SNX30: variants seen among roughly 807,000 people sequenced by gnomAD.
SNX30 encodes the protein sorting nexin-30.
A neutral mutation model predicts 46.4 loss-of-function variants in SNX30; 24 were observed. The ratio of observed to expected loss-of-function variants is 0.52; its 90% CI spans 0.37 to 0.73. The LOEUF (loss-of-function observed/expected upper bound fraction) is 0.73. SNX30 is among the 30% of genes least tolerant of loss of function. The pLI is 0.00. For synonymous variants in SNX30, 189 were observed against 211.5 expected (o/e 0.89, Z 0.92); for missense variants, 533 against 555.7 (o/e 0.96, Z 0.41).
At position 112,774,616 on chromosome 9, in the gene SNX30, C is replaced by T. The variant is rs1839708720; in HGVS notation, c.156+23459C>T. 2.0e-5 allele frequency among the ~76,000 whole-genome samples: 3 copies of T among 152,072 alleles called. No homozygotes were observed. The South Asian group carries it at 6.2e-4, about 31-fold the overall frequency. On this transcript the variant is annotated intron_variant, in intron 1 of 8. Coordinates refer to ENST00000374232, the MANE Select transcript of SNX30 (RefSeq NM_001012994.2). ...GGGTAGCTCCACATTCTTGTCAAGACTTGGTATTGTCAACTTTTTTAGTTT... is the reference window on the plus strand; with the variant it reads ...GGGTAGCTCCACATTCTTGTCAAGATTTGGTATTGTCAACTTTTTTAGTTT...
At chr9:112,860,957 G>A (rs1486930767) in intron 7 of SNX30, among the ~76,000 whole-genome samples, 1 of 152,196 alleles carries the variant, frequency 6.6e-6, no homozygotes, top group Non-Finnish European at 1.5e-5. Flanking sequence ...AACCAGTGTT[G>A]CAGGGGTAAG....
At chr9:112,884,361 A>G (rs1841619649), downstream of SNX30, among the ~76,000 whole-genome samples, 1 of 152,192 alleles carries the variant, frequency 6.6e-6, no homozygotes, top group Admixed American at 6.5e-5. Flanking sequence ...GTGGTTCGAA[A>G]GCTTTACTGG....
intron 4 of SNX30, among the ~76,000 whole-genome samples, chr9:112,835,024 G>A (rs1385829086): frequency 1.3e-5 from 2 of 152,168 alleles, no homozygotes; most frequent in South Asian, 4.1e-4. Context: ...ATGCGGAGGG[G>A]CTGTTGGGCC....
chr9:112,765,081 T>A (rs1310734039), intron 1 of SNX30, among the ~76,000 whole-genome samples: 1 of 152,062 alleles, frequency 6.6e-6, no homozygotes, highest in Admixed American at 6.5e-5. Flanking sequence ...GGGAGGAGAC[T>A]GAAACAGTAA....
Position 112,841,085 on chromosome 9 carries a change from GT to G in SNX30, c.1014+2393del, listed in dbSNP as rs371871397. 3.9e-4 allele frequency among the ~76,000 whole-genome samples: 59 copies of G among 152,330 alleles called. No individual in the cohort carries two copies. The East Asian group carries it at 6.9e-3, about 18-fold the overall frequency. On this transcript the variant is annotated intron_variant, in intron 6 of 8. Transcript: ENST00000374232. ...CCCTGGTATCTGTTCTTAAAAATAA[GT>G]TTTTACAATTCCTGGAGTGTCCGTG...
intron 5 of SNX30, among the ~76,000 whole-genome samples, chr9:112,837,543 T>TCGGCTCACTGCAAGCGC (rs1840777297): frequency 6.6e-6 from 1 of 152,082 alleles, no homozygotes; most frequent in African/African-American, 2.4e-5. Flanking sequence ...TGGCACCATC[T>TCGGCTCACTGCAAGCGC]CGGCTCACTG....
chr9:112,834,867 CA>C (rs1564285811), intron 4 of SNX30, among the ~76,000 whole-genome samples: 4 of 90,692 alleles, frequency 4.4e-5, no homozygotes, highest in Admixed American at 1.3e-4. Flanking sequence ...CACACACACA[CA>C]CACACACACA....
chr9:112,751,972 G>C (rs1316738614), intron 1 of SNX30, among the ~76,000 whole-genome samples: 1 of 152,104 alleles, frequency 6.6e-6, no homozygotes, highest in Admixed American at 6.5e-5. Flanking sequence ...AAGGAGACTT[G>C]AGCAGTGATT....
chr9:112,852,785 G>A (rs965181020), intron 7 of SNX30, among the ~76,000 whole-genome samples: 13 of 152,148 alleles, frequency 8.5e-5, no homozygotes, highest in African/African-American at 2.9e-4. Flanking sequence ...AGTGAGGAAC[G>A]TTAGTAAGAT....
chr9:112,835,001 A>T (rs1382368690), intron 4 of SNX30, among the ~76,000 whole-genome samples: 2 of 152,136 alleles, frequency 1.3e-5, no homozygotes, highest in Non-Finnish European at 2.9e-5. Context: ...CTCAGCCTGA[A>T]ATTGTACATC....
intron 3 of SNX30, among the ~76,000 whole-genome samples, chr9:112,829,813 G>A (rs764772469): frequency 1.3e-4 from 19 of 151,872 alleles, no homozygotes; most frequent in Non-Finnish European, 1.3e-4. Context: ...ATCTTAGCAG[G>A]TATGAAATGG....
rs919950597 is a variant in SNX30 at position 112,784,748 on chromosome 9, C to T, written c.157-20028C>T. ...TATGACCTCATAGCTGGTAGGAGAA[C>T]TAGAATCTAAACCCGGGTCTCTTGC... On this transcript the variant is annotated intron_variant, in intron 1 of 8. Coordinates refer to ENST00000374232, the MANE Select transcript of SNX30 (RefSeq NM_001012994.2). Among the ~76,000 whole-genome samples, 6 of 152,164 alleles carry T rather than the reference C, an allele frequency of 3.9e-5. No individual in the cohort carries two copies. In the South Asian group the frequency reaches 1.2e-3, roughly 32 times the overall value.
chr9:112,829,979 T>G (rs1418589577), intron 3 of SNX30, among the ~76,000 whole-genome samples: 1 of 152,174 alleles, frequency 6.6e-6, no homozygotes, highest in Non-Finnish European at 1.5e-5. Flanking sequence ...TTAAAACATG[T>G]GCATAGCAGA....
At chr9:112,817,673 AT>A (rs754098382) in intron 2 of SNX30, 31 bp from the exon 3 acceptor site, 27 of 1,286,980 alleles carry the variant, frequency 2.1e-5, no homozygotes, top group Non-Finnish European at 2.8e-5. Flanking sequence ...CTATTCCCTT[AT>A]GCTTATTTTT....
intron 1 of SNX30, among the ~76,000 whole-genome samples, chr9:112,791,807 T>G (rs1840029751): frequency 6.6e-6 from 1 of 152,200 alleles, no homozygotes; most frequent in Non-Finnish European, 1.5e-5. Context: ...TGGACATGAG[T>G]ATCTTCAACA....
chr9:112,856,490 G>A (rs1310241613), intron 7 of SNX30, among the ~76,000 whole-genome samples: 1 of 151,784 alleles, frequency 6.6e-6, no homozygotes, highest in East Asian at 1.9e-4. Context: ...GGGCATTGGT[G>A]TGGGAAGTGT....
chr9:112,753,158 A>G (rs943355179), intron 1 of SNX30, among the ~76,000 whole-genome samples: 5 of 152,324 alleles, frequency 3.3e-5, no homozygotes, highest in African/African-American at 1.2e-4. Context: ...GAGACTGGCT[A>G]CTACAGATAG....
At chr9:112,883,042 C>T (rs557943840), downstream of SNX30, among the ~76,000 whole-genome samples, 18 of 152,294 alleles carry the variant, frequency 1.2e-4, no homozygotes, top group South Asian at 2.9e-3. Flanking sequence ...GCCAAGAAAT[C>T]ATATGAGATG....
intron 2 of SNX30, among the ~76,000 whole-genome samples, chr9:112,811,977 T>C (rs1406231892): frequency 1.3e-5 from 2 of 152,252 alleles, no homozygotes; most frequent in South Asian, 4.1e-4. Context: ...GTTTTATGAA[T>C]ACTGTGAGTC....
Sources: gnomAD v4.1 joint callset for allele counts (sites outside exome capture counted in the v4.1 genomes callset) on GRCh38, gnomAD v4.1.1 for gene constraint, MANE v1.5 for transcripts, NCBI Gene and HGNC (gene_info 2026-07-23, HGNC 2026-07-21) for gene names.